DIAPH2: variants seen among roughly 807,000 people sequenced by gnomAD.
DIAPH2 encodes the protein protein diaphanous homolog 2.
DIAPH2 carries 35 observed loss-of-function variants against 92.7 expected under a neutral mutation model. The ratio of observed to expected loss-of-function variants is 0.38; its 90% CI spans 0.29 to 0.50. DIAPH2 has a LOEUF of 0.50. DIAPH2 is among the 20% of genes least tolerant of loss of function. The pLI, the probability that DIAPH2 is intolerant of heterozygous loss-of-function variation, is 0.94. For missense variants in DIAPH2, 701 were observed against 819.5 expected, an observed-to-expected ratio of 0.86 and a Z score of 1.77; for synonymous variants, 301 against 280.4, an observed-to-expected ratio of 1.07 and a Z score of -0.73.
intron 24 of DIAPH2, 134 bp downstream of exon 24, chrX:97,348,414 T>C: frequency 9.0e-6 from 5 of 558,425 alleles, no homozygotes; most frequent in Non-Finnish European, 1.1e-5. Context: ...TTGACAGATA[T>C]TTTATACCTG....
intron 23 of DIAPH2, among the ~76,000 whole-genome samples, chrX:97,333,355 C>T (rs2069018461): frequency 9.0e-6 from 1 of 111,462 alleles, no homozygotes; most frequent in African/African-American, 3.3e-5. Context: ...ATACCACAAA[C>T]TCAATTTGTC....
intron 1 of DIAPH2, among the ~76,000 whole-genome samples, chrX:96,731,151 ATTCTTC>A (rs2064052400): frequency 9.0e-6 from 1 of 111,279 alleles, no homozygotes; most frequent in Non-Finnish European, 1.9e-5. Context: ...TTCTTTTGTG[ATTCTTC>A]AGTTACTTCG....
At chrX:97,247,497 A>G (rs1454341013) in intron 22 of DIAPH2, among the ~76,000 whole-genome samples, 1 of 111,423 alleles carries the variant, frequency 9.0e-6, no homozygotes, top group Non-Finnish European at 1.9e-5. Context: ...TGACATTCCC[A>G]TATTAAACAT....
chrX:97,184,907 A>G (rs750180050), intron 22 of DIAPH2, among the ~76,000 whole-genome samples: 4 of 110,493 alleles, frequency 3.6e-5, no homozygotes, highest in Admixed American at 9.8e-5. Context: ...GGCACGTTGT[A>G]TAATACCCCT....
At chrX:97,056,028 T>G (rs1214156875) in intron 17 of DIAPH2, among the ~76,000 whole-genome samples, 2 of 111,544 alleles carry the variant, frequency 1.8e-5, no homozygotes, top group African/African-American at 6.5e-5. Context: ...ACTAAGAGAA[T>G]AGTGCTCTTA....
chrX:96,827,107 A>C (rs188998121), intron 4 of DIAPH2, among the ~76,000 whole-genome samples: 93 of 112,880 alleles, frequency 8.2e-4, no homozygotes, highest in African/African-American at 2.5e-3. Flanking sequence ...ACATTCTTGT[A>C]CTTGAACACA....
At chrX:97,123,710 C>T (rs1252863996) in intron 21 of DIAPH2, among the ~76,000 whole-genome samples, 1 of 112,388 alleles carries the variant, frequency 8.9e-6, no homozygotes, top group Non-Finnish European at 1.9e-5. Flanking sequence ...GAACCAAACA[C>T]AGGCCACTTC....
In DIAPH2 at chrX:97,256,232, T is replaced by G. The variant is rs746364993; in HGVS notation, c.2844+8393T>G. Among the ~76,000 whole-genome samples, 8 of 112,562 alleles carry G rather than the reference T, an allele frequency of 7.1e-5. No homozygotes were observed. In the South Asian group the frequency reaches 3.0e-3, roughly 42 times the overall value. ...AATTACCCAATATGAATGTGGTTTT[T>G]TGTGTGTGTATGCACATAAGGAACA... On this transcript the variant is annotated intron_variant, in intron 23 of 26. Transcript: ENST00000324765.
chrX:96,894,040 A>G (rs1453416634), intron 5 of DIAPH2, among the ~76,000 whole-genome samples: 1 of 112,042 alleles, frequency 8.9e-6, no homozygotes, highest in Non-Finnish European at 1.9e-5. Context: ...ATAGAAGATA[A>G]CATAATGTTA....
At chrX:97,415,481 A>C (rs2069933789) in intron 25 of DIAPH2, among the ~76,000 whole-genome samples, 1 of 112,124 alleles carries the variant, frequency 8.9e-6, no homozygotes, top group South Asian at 3.8e-4. Flanking sequence ...AGACTGGATT[A>C]AGAAAATGTG....
chrX:96,966,527 A>C (rs1271734576), intron 17 of DIAPH2, among the ~76,000 whole-genome samples: 1 of 112,073 alleles, frequency 8.9e-6, no homozygotes, highest in Non-Finnish European at 1.9e-5. Flanking sequence ...CTCAACACAT[A>C]TGTGCATTTA....
At chrX:96,933,692 C>T (rs900472353) in intron 10 of DIAPH2, among the ~76,000 whole-genome samples, 1 of 106,874 alleles carries the variant, frequency 9.4e-6, no homozygotes, top group African/African-American at 3.4e-5. Context: ...CAACCTCTGC[C>T]TCCCGGGTTC....
At chrX:97,171,939 CA>C (rs748501203) in intron 22 of DIAPH2, among the ~76,000 whole-genome samples, 68 of 88,534 alleles carry the variant, frequency 7.7e-4, no homozygotes, top group Admixed American at 7.5e-4. Flanking sequence ...GACTCCGTCT[CA>C]AAAAAAAAAA....
chrX:96,792,487 C>T (rs1245459391), intron 4 of DIAPH2, among the ~76,000 whole-genome samples: 1 of 111,982 alleles, frequency 8.9e-6, no homozygotes, highest in Non-Finnish European at 1.9e-5. Flanking sequence ...GAGCTTAGTA[C>T]TTTTATTATT....
chrX:97,600,691 ATGAT>A lies in DIAPH2; in HGVS notation c.*1381_*1384del, dbSNP rs777474020. 3 of 112,069 alleles carry A rather than the reference ATGAT, an allele frequency of 2.7e-5. No homozygotes were observed. The highest frequency in any genetic ancestry group is 9.5e-5 in the Admixed American group (1 of 10,503). The allele number at this position is 112,069 out of a possible 1,213,427, so 9.2% of individuals were successfully genotyped here. On this transcript the variant is annotated 3_prime_UTR_variant, in exon 27 of 27. Coordinates refer to ENST00000324765, the MANE Select transcript of DIAPH2 (RefSeq NM_006729.5). ...GCAATTTTAAGTCTAATTCATGCAG[ATGAT>A]TGATTGTGATTATTGTAAGAAATTT...
At chrX:97,319,906 C>G (rs1451593077) in intron 23 of DIAPH2, among the ~76,000 whole-genome samples, 1 of 106,676 alleles carries the variant, frequency 9.4e-6, no homozygotes, top group African/African-American at 3.4e-5. Context: ...TTGAGACCAG[C>G]TTGGCCAACA....
At chrX:97,400,684 C>CT (rs1340299259) in intron 25 of DIAPH2, among the ~76,000 whole-genome samples, 2 of 84,744 alleles carry the variant, frequency 2.4e-5, no homozygotes, top group Non-Finnish European at 4.9e-5. Context: ...CCCATCTCTT[C>CT]CCCCAGCTGT....
At chrX:97,527,349 G>T (rs1481232598) in intron 26 of DIAPH2, among the ~76,000 whole-genome samples, 2 of 112,492 alleles carry the variant, frequency 1.8e-5, no homozygotes, top group Non-Finnish European at 3.8e-5. Context: ...ACTAGGAAGA[G>T]AAATCTAGGC....
chrX:97,504,159 A>G, intron 26 of DIAPH2, among the ~76,000 whole-genome samples: 1 of 112,296 alleles, frequency 8.9e-6, no homozygotes, highest in Middle Eastern at 4.6e-3. Flanking sequence ...AGCTATGTTT[A>G]TAATATCTCT....
Sources: allele counts gnomAD v4.1 joint callset (sites outside exome capture counted in the v4.1 genomes callset), GRCh38; gene constraint gnomAD v4.1.1; transcripts MANE v1.5; gene names NCBI Gene and HGNC (gene_info 2026-07-23, HGNC 2026-07-21).